GABRA4: variants seen among roughly 807,000 people sequenced by gnomAD.
GABRA4 encodes gamma-aminobutyric acid receptor subunit alpha-4.
In GABRA4, 12 loss-of-function variants were observed where a neutral mutation model predicts 49.7. The ratio of observed to expected loss-of-function variants is 0.24; its 90% CI spans 0.15 to 0.39. The LOEUF (loss-of-function observed/expected upper bound fraction) is 0.39. GABRA4 is among the 10% of genes least tolerant of loss of function. GABRA4 has a pLI of 1.00. For missense variants in GABRA4, 506 were observed against 686.0 expected (o/e 0.74, Z 2.93); for synonymous variants, 288 against 240.2 (o/e 1.20, Z -1.84).
intron 8 of GABRA4, among the ~76,000 whole-genome samples, chr4:46,960,719 A>G (rs2109369173): frequency 6.6e-6 from 1 of 151,804 alleles, no homozygotes; most frequent in African/African-American, 2.4e-5. Context: ...TTATGGCCAA[A>G]GTTGTTTGCA....
In GABRA4 at chr4:46,920,461, G is replaced by A. The variant is rs746612126; in HGVS notation, c.*7764C>T. The A allele has an allele frequency of 2.0e-5, 3 of 151,286 alleles. No individual in the cohort carries two copies. Among genetic ancestry groups the A allele is most frequent in the South Asian group, 4.2e-4 (2 of 4,816 alleles). The allele number at this position is 151,286 out of a possible 1,614,324, so 9.4% of individuals were successfully genotyped here. A position where few individuals can be genotyped will look rare whatever the true frequency, so the allele number is the denominator to read the frequency against. On this transcript the variant is annotated 3_prime_UTR_variant, in exon 9 of 9. Coordinates refer to ENST00000264318, the MANE Select transcript of GABRA4 (RefSeq NM_000809.4). ...ATATGAGACATGAGAAATATTAAAC[G>A]AGTTCAGCAAAATATTTTATTAAAG...
At chr4:46,939,938 C>T (rs1044638929) in intron 8 of GABRA4, among the ~76,000 whole-genome samples, 2 of 151,906 alleles carry the variant, frequency 1.3e-5, no homozygotes, top group African/African-American at 4.8e-5. Flanking sequence ...CACAAATATC[C>T]TCTACATTCA....
chr4:46,954,619 G>T (rs1722280507), intron 8 of GABRA4, among the ~76,000 whole-genome samples: 1 of 151,260 alleles, frequency 6.6e-6, no homozygotes, highest in Non-Finnish European at 1.5e-5. Context: ...GGATGAGTTT[G>T]TACTAATACA....
intron 8 of GABRA4, among the ~76,000 whole-genome samples, chr4:46,958,219 T>G (rs1180889774): frequency 1.3e-5 from 2 of 151,910 alleles, no homozygotes; most frequent in African/African-American, 4.8e-5. Context: ...ACCTAACAAC[T>G]GCAAACCTCA....
chr4:46,968,270 G>A (rs1560476743), intron 7 of GABRA4, among the ~76,000 whole-genome samples: 1 of 151,288 alleles, frequency 6.6e-6, no homozygotes, highest in Non-Finnish European at 1.5e-5. Flanking sequence ...TTATCAATCT[G>A]ACACATCTTA....
Position 46,922,352 on chromosome 4 carries a change from T to A in GABRA4, c.*5873A>T, listed in dbSNP as rs576751930. On this transcript the variant is annotated 3_prime_UTR_variant, in exon 9 of 9. Transcript: ENST00000264318. ...GCTTGAAACCTGAAATTTAAATAGC[T>A]TCTGTGGGCTGATCTGACTCACCCT... The A allele has an allele frequency of 7.9e-5, 12 of 152,192 alleles. No homozygotes were observed. The South Asian group carries it at 2.5e-3, about 32-fold the overall frequency. The allele number at this position is 152,192 out of a possible 1,614,324, so 9.4% of individuals were successfully genotyped here.
chr4:46,985,272 G>A (rs933223415), intron 2 of GABRA4, among the ~76,000 whole-genome samples: 2 of 152,022 alleles, frequency 1.3e-5, no homozygotes, highest in African/African-American at 4.8e-5. Context: ...AATTTTAAAA[G>A]GACTTAAAAT....
chr4:46,990,676 T>C (rs1356188394), intron 2 of GABRA4, among the ~76,000 whole-genome samples: 2 of 152,224 alleles, frequency 1.3e-5, no homozygotes, highest in African/African-American at 2.4e-5. Flanking sequence ...CTTTTATTGA[T>C]ATAATATTGC....
chr4:46,974,323 T>C lies in GABRA4; in HGVS notation c.630A>G (p.Lys210=). 6.2e-7 allele frequency: 1 copy of C among 1,611,816 alleles called. No individual in the cohort carries two copies. Among genetic ancestry groups the C allele is most frequent in the Non-Finnish European group, 8.5e-7 (1 of 1,178,566 alleles). ...AAGACTCCTTCGGAACTTCAACTGA[T>C]TTCTCAGGACCTTTTGTCCAGGTAT... ...MIYTWTKGPE[K]SVEVPKESSS... Residue 210 remains lysine (K), a synonymous_variant, in exon 6 of 9, where the codon AAA becomes AAG. Transcript: ENST00000264318.
At chr4:46,972,562 C>T (rs1722986819) in intron 6 of GABRA4, among the ~76,000 whole-genome samples, 1 of 151,434 alleles carries the variant, frequency 6.6e-6, no homozygotes, top group Non-Finnish European at 1.5e-5. Context: ...ATATATACAT[C>T]ACCCCCAAAA....
chr4:46,945,256 A>T (rs1180502561), intron 8 of GABRA4, among the ~76,000 whole-genome samples: 2 of 152,078 alleles, frequency 1.3e-5, no homozygotes, highest in Middle Eastern at 3.2e-3. Context: ...CTCCTGTCTC[A>T]TACATCTGCC....
intron 6 of GABRA4, among the ~76,000 whole-genome samples, chr4:46,972,546 C>G (rs1016149159): frequency 2.6e-5 from 4 of 151,406 alleles, no homozygotes; most frequent in African/African-American, 9.7e-5. Flanking sequence ...ACAATCTATG[C>G]CACAAATATA....
chr4:46,926,831 A>G lies in GABRA4; in HGVS notation c.*1394T>C, dbSNP rs1278433947. 1 of 151,948 alleles carries G rather than the reference A, an allele frequency of 6.6e-6. No individual in the cohort carries two copies. Among genetic ancestry groups the G allele is most frequent in the African/African-American group, 2.4e-5 (1 of 41,428 alleles). The allele number at this position is 151,948 out of a possible 1,614,324, so 9.4% of individuals were successfully genotyped here. A position where few individuals can be genotyped will look rare whatever the true frequency, so the allele number is the denominator to read the frequency against. ...GTAGATGAAAACCCTGATAAATCAC[A>G]TAGCAGAGTCAGTGGCATCCTACCC... On this transcript the variant is annotated 3_prime_UTR_variant, in exon 9 of 9. Coordinates refer to ENST00000264318, the MANE Select transcript of GABRA4 (RefSeq NM_000809.4).
intron 8 of GABRA4, among the ~76,000 whole-genome samples, chr4:46,944,122 GT>G (rs1560466577): frequency 6.6e-6 from 1 of 152,066 alleles, no homozygotes. Context: ...GAAAGTAAAC[GT>G]TAAATATTCT....
chr4:46,951,786 A>G (rs1476536479), intron 8 of GABRA4, among the ~76,000 whole-genome samples: 1 of 120,912 alleles, frequency 8.3e-6, no homozygotes, highest in Admixed American at 9.5e-5. Flanking sequence ...GTGTATATAT[A>G]TGTGTGTACG....
chr4:46,953,610 A>G (rs1348241826), intron 8 of GABRA4, among the ~76,000 whole-genome samples: 1 of 152,174 alleles, frequency 6.6e-6, no homozygotes, highest in East Asian at 1.9e-4. Context: ...TGCAAAATTA[A>G]TTGGTGATTT....
At chr4:46,936,271 CAG>C (rs1244839644) in intron 8 of GABRA4, among the ~76,000 whole-genome samples, 2 of 151,984 alleles carry the variant, frequency 1.3e-5, no homozygotes, top group African/African-American at 2.4e-5. Context: ...TTTTTTGAGA[CAG>C]AGTTTCGCTC....
At chr4:46,978,639 A>G (rs369243849) in intron 3 of GABRA4, among the ~76,000 whole-genome samples, 1 of 133,858 alleles carries the variant, frequency 7.5e-6, no homozygotes, top group Non-Finnish European at 1.6e-5. Context: ...GTGAGCAAAG[A>G]TCCCGCCATT....
Position 46,928,876 on chromosome 4 carries a change from C to T in GABRA4, c.1135-121G>A, listed in dbSNP as rs1721333635. ...CATAAAATAAAACTTTATTAATAAG[C>T]TGTAGTCATCTTGATTTTAAAAACC... is the stretch of plus-strand genomic sequence containing the variant. On this transcript the variant is annotated intron_variant, in intron 8 of 8. Transcript: ENST00000264318. 1.1e-5 allele frequency: 7 copies of T among 638,482 alleles called. No individual in the cohort carries two copies. The South Asian group carries it at 1.6e-4, about 15-fold the overall frequency. The allele number at this position is 638,482 out of a possible 1,614,324, so 39.6% of individuals were successfully genotyped here. A position where few individuals can be genotyped will look rare whatever the true frequency, so the allele number is the denominator to read the frequency against.
Sources: allele counts gnomAD v4.1 joint callset (sites outside exome capture counted in the v4.1 genomes callset), GRCh38; gene constraint gnomAD v4.1.1; transcripts MANE v1.5; gene names NCBI Gene and HGNC (gene_info 2026-07-23, HGNC 2026-07-21).